Variants in BFSP1 observed in about 807,000 individuals in gnomAD.
The protein encoded by BFSP1 is beaded filament structural protein 1.
Under a neutral mutation model 43.9 loss-of-function variants are expected in BFSP1, and 38 were observed. The ratio of observed to expected loss-of-function variants is 0.87; its 90% confidence interval spans 0.67 to 1.14. The LOEUF is 1.14. Ranked by LOEUF, BFSP1 falls within the 50% of genes most tolerant of loss-of-function variation. The pLI is 0.00. For synonymous variants in BFSP1, 352 were observed against 354.8 expected (o/e 0.99, Z 0.09); for missense variants, 850 against 875.1 (o/e 0.97, Z 0.36).
intron 1 of BFSP1, among the ~76,000 whole-genome samples, chr20:17,567,861 CAAA>C (rs796434004): frequency 1.0e-4 from 6 of 58,312 alleles, no homozygotes; most frequent in Admixed American, 2.0e-4. Context: ...AACTCAGTCT[CAAA>C]AAAAAAAAAA....
intron 1 of BFSP1, among the ~76,000 whole-genome samples, chr20:17,540,519 T>TA: frequency 6.6e-6 from 1 of 152,110 alleles, no homozygotes; most frequent in South Asian, 2.1e-4. Flanking sequence ...TCCCCCGCTG[T>TA]TTACCTGGCA....
intron 1 of BFSP1, among the ~76,000 whole-genome samples, chr20:17,550,571 T>G (rs1224480196): frequency 2.0e-5 from 3 of 151,814 alleles, no homozygotes; most frequent in Non-Finnish European, 4.4e-5. Flanking sequence ...TTCAAGCTAT[T>G]CTCCTGCCTT....
chr20:17,497,006 A>G lies in BFSP1; in HGVS notation c.974T>C (p.Ile325Thr), dbSNP rs151073625. The G allele has an allele frequency of 1.6e-5, 24 of 1,542,046 alleles. No individual in the cohort carries two copies. The highest frequency in any genetic ancestry group is 1.7e-4 in the Middle Eastern group (1 of 5,996). Residue 325 changes from isoleucine to threonine, a missense_variant, in exon 7 of 8, where the codon ATT becomes ACT. By Grantham distance (89) the Ile-to-Thr change is moderately conservative. Transcript: ENST00000377873. ...GGTGAACAGGGGAATGGGAGTTTCA[A>G]TGAAGGCAGAGGTCAGCCTGGCAGA... ...IEGNRLTSAF[I>T]ETPIPLFTQS...
intron 2 of BFSP1, 63 bp downstream of exon 2, chr20:17,524,785 C>T (rs912991513): frequency 2.6e-6 from 4 of 1,553,990 alleles, no homozygotes; most frequent in Non-Finnish European, 3.6e-6. Context: ...AAAACCTGCA[C>T]TTCCACCATT....
chr20:17,548,245 G>T (rs2034840643), intron 1 of BFSP1, among the ~76,000 whole-genome samples: 1 of 150,032 alleles, frequency 6.7e-6, no homozygotes, highest in Non-Finnish European at 1.5e-5. Context: ...CTAATAGCAT[G>T]TGTATGATAA....
rs199709519 is a variant in BFSP1 at position 17,549,301 on chromosome 20, C to CTAT, written c.2+9384_2+9386dup. On this transcript the variant is annotated intron_variant, in intron 1 of 7. Coordinates refer to the BFSP1 transcript ENST00000377868. ...TAAAGAAATACCAAGACTGAGTAAT[C>CTAT]TATAAAGAAAAGAGGTTTAATTGAC... is the stretch of plus-strand genomic sequence containing the variant. 3.7e-3 allele frequency among the ~76,000 whole-genome samples: 570 copies of CTAT among 152,248 alleles called. 1 individual carries two copies. The highest frequency in any genetic ancestry group is 0.013 in the African/African-American group (538 of 41,538).
chr20:17,523,353 T>C (rs549214807), intron 2 of BFSP1, among the ~76,000 whole-genome samples: 10 of 152,016 alleles, frequency 6.6e-5, no homozygotes, highest in African/African-American at 2.2e-4. Context: ...CAAAGCAACA[T>C]GTGGAAGTGT....
upstream of BFSP1, chr20:17,560,684 C>T (rs1011441476): frequency 4.6e-5 from 7 of 152,236 alleles, no homozygotes; most frequent in African/African-American, 1.7e-4. Flanking sequence ...CCCAGCAGGG[C>T]TTCAGCACTG....
rs1176111504 is a variant in BFSP1 at position 17,494,289 on chromosome 20, G to C, written c.1783C>G (p.Gln595Glu). ...IPEPPKPAAD[Q>E]DGAEVLGTRS... Reference sequence around the variant, plus strand: ...GTCCCAAGCACCTCAGCTCCATCCTGATCAGCCGCAGGCTTTGGAGGCTCA... The same window carrying C: ...GTCCCAAGCACCTCAGCTCCATCCTCATCAGCCGCAGGCTTTGGAGGCTCA... The change falls in exon 8 of 8, where the codon CAG (glutamine) becomes GAG (glutamate). Residue 595 changes from glutamine to glutamate, a missense_variant. Transcript: ENST00000377873. 2 of 1,614,178 alleles carry C rather than the reference G, an allele frequency of 1.2e-6. No homozygotes were observed. Among genetic ancestry groups the C allele is most frequent in the Non-Finnish European group, 1.7e-6 (2 of 1,180,036 alleles).
At position 17,494,346 on chromosome 20, in the gene BFSP1, C is replaced by A; in HGVS notation, c.1726G>T (p.Val576Phe). 1.2e-6 allele frequency: 2 copies of A among 1,614,160 alleles called. No individual in the cohort carries two copies. The highest frequency in any genetic ancestry group is 1.7e-6 in the Non-Finnish European group (2 of 1,179,992). ...GATGGTTCCTCTGCACCGGGTGTGA[C>A]CATGGCACAGGGTCTCCTGGACTCT... is the stretch of plus-strand genomic sequence containing the variant. ...DEESRRPCAMVTPGAEEPSIP... is the reference protein window; with the variant it reads ...DEESRRPCAMFTPGAEEPSIP... Residue 576 changes from valine (V) to phenylalanine (F), a missense_variant, in exon 8 of 8, where the codon GTC (valine) becomes TTC (phenylalanine). Physicochemically the swap from Val to Phe is conservative, Grantham distance 50. Transcript: ENST00000377873.
chr20:17,530,593 C>A (rs1168112506), intron 1 of BFSP1, among the ~76,000 whole-genome samples: 1 of 152,230 alleles, frequency 6.6e-6, no homozygotes, highest in Non-Finnish European at 1.5e-5. Flanking sequence ...GAGGAGGGAA[C>A]TTTCAGGGGT....
rs2033961698 is a variant in BFSP1, at chr20:17,507,295, G to GTA, written c.735+1593_735+1594insTA. ...TAGGTGTGTGTGTGTGTGTGTGTGT[G>GTA]TGTGTGTGTGTATTTCAACATATCC... On this transcript the variant is annotated intron_variant, in intron 5 of 7. Transcript: ENST00000377873. The surrounding 1 kb of genome is among the most constrained non-coding windows in gnomAD (Gnocchi z 4.4). 6.6e-6 allele frequency among the ~76,000 whole-genome samples: 1 copy of GTA among 150,928 alleles called. No individual in the cohort carries two copies. Among genetic ancestry groups the GTA allele is most frequent in the African/African-American group, 2.5e-5 (1 of 40,416 alleles).
intron 1 of BFSP1, among the ~76,000 whole-genome samples, chr20:17,568,534 G>A (rs1568725204): frequency 6.6e-6 from 1 of 152,076 alleles, no homozygotes; most frequent in Non-Finnish European, 1.5e-5. Context: ...TGTTAGAAAT[G>A]CCCATTCTCA....
chr20:17,555,901 C>A (rs181353645), intron 1 of BFSP1, among the ~76,000 whole-genome samples: 4 of 151,746 alleles, frequency 2.6e-5, no homozygotes, highest in African/African-American at 9.7e-5. Flanking sequence ...AACAAGGGCC[C>A]ATCAAATATT....
At chr20:17,538,488 A>C (rs1418511004) in intron 1 of BFSP1, among the ~76,000 whole-genome samples, 2 of 152,178 alleles carry the variant, frequency 1.3e-5, no homozygotes, top group East Asian at 3.9e-4. Context: ...GGTGTTTCTT[A>C]ATGATAGCAA....
intron 1 of BFSP1, among the ~76,000 whole-genome samples, chr20:17,556,239 G>A (rs1007422917): frequency 7.9e-5 from 12 of 151,886 alleles, no homozygotes; most frequent in Admixed American, 3.3e-4. Context: ...GCAGTGGCTC[G>A]TGCCTGTAAC....
chr20:17,564,557 C>A (rs185162115), intron 1 of BFSP1, among the ~76,000 whole-genome samples: 2 of 152,140 alleles, frequency 1.3e-5, no homozygotes, highest in African/African-American at 2.4e-5. Flanking sequence ...TACTAAACTA[C>A]CACTTCTTTG....
chr20:17,565,825 A>T (rs2035112188), intron 1 of BFSP1: 1 of 152,220 alleles, frequency 6.6e-6, no homozygotes, highest in Non-Finnish European at 1.5e-5. Context: ...TTTTTAAAAG[A>T]GACTACTGAC....
At chr20:17,524,591 G>A (rs1600661304) in intron 2 of BFSP1, among the ~76,000 whole-genome samples, 3 of 152,140 alleles carry the variant, frequency 2.0e-5, no homozygotes, top group Admixed American at 6.5e-5. Flanking sequence ...CTGTAACGCC[G>A]GCAGGTTTTG....
Sources: allele counts gnomAD v4.1 joint callset (sites outside exome capture counted in the v4.1 genomes callset), GRCh38; gene constraint gnomAD v4.1.1; non-coding constraint Gnocchi (gnomAD v3.1); transcripts MANE v1.5; gene names NCBI Gene and HGNC (gene_info 2026-07-23, HGNC 2026-07-21).